Variants in ABI3BP observed in about 807,000 individuals in gnomAD.
ABI3BP encodes the protein target of Nesh-SH3.
ABI3BP carries 216 observed loss-of-function variants against 268.6 expected under a neutral mutation model. That is an observed-to-expected ratio of 0.80 (90% CI 0.72 to 0.90). The LOEUF is 0.90. Ranked by LOEUF, ABI3BP falls within the 40% of genes least tolerant of loss-of-function variation. The pLI, the probability that ABI3BP is intolerant of heterozygous loss-of-function variation, is 0.00. For synonymous variants in ABI3BP, 730 were observed against 730.0 expected, an observed-to-expected ratio of 1.00 and a Z score of 0.00; for missense variants, 2,090 against 2,182.4, an observed-to-expected ratio of 0.96 and a Z score of 0.84.
intron 63 of ABI3BP, among the ~76,000 whole-genome samples, chr3:100,762,635 C>T (rs537980713): frequency 1.3e-5 from 2 of 152,254 alleles, no homozygotes; most frequent in South Asian, 4.2e-4. Flanking sequence ...CCTCATTTTA[C>T]TTTTCCATAA....
At chr3:100,877,551 C>A (rs536670812) in intron 6 of ABI3BP, among the ~76,000 whole-genome samples, 3 of 152,280 alleles carry the variant, frequency 2.0e-5, no homozygotes, top group African/African-American at 7.2e-5. Context: ...CATAAAGTAG[C>A]CTGACCTAGG....
chr3:100,836,924 C>T (rs988290048), intron 27 of ABI3BP, among the ~76,000 whole-genome samples, 200 bp downstream of exon 27: 3 of 152,116 alleles, frequency 2.0e-5, no homozygotes, highest in African/African-American at 7.2e-5. Flanking sequence ...GAAAGAATAA[C>T]AATTATGTGT....
At position 100,993,312 on chromosome 3, in the gene ABI3BP, G is replaced by A; in HGVS notation, c.73C>T (p.Pro25Ser). 6.5e-7 allele frequency: 1 copy of A among 1,549,110 alleles called. No individual in the cohort carries two copies. Among genetic ancestry groups the A allele is most frequent in the Non-Finnish European group, 8.7e-7 (1 of 1,145,260 alleles). Reference sequence around the variant, plus strand: ...AAAACATCAGGCTACTTGCCTTTTGGCAATTTCTGTGCATTTCCCAGGGCT... The same window carrying A: ...AAAACATCAGGCTACTTGCCTTTTGACAATTTCTGTGCATTTCCCAGGGCT... Reference protein sequence around the residue: ...TLALGNAQKLPKGKRPNLKVH... With the variant: ...TLALGNAQKLSKGKRPNLKVH... Residue 25 changes from proline (P) to serine (S), a missense_variant, in exon 1 of 68, where the codon CCA becomes TCA. Physicochemically the swap from Pro to Ser is moderately conservative, Grantham distance 74. Transcript: ENST00000471714.
chr3:100,950,310 A>T (rs72930271), intron 1 of ABI3BP, among the ~76,000 whole-genome samples: 356 of 152,350 alleles, frequency 2.3e-3, no homozygotes, highest in African/African-American at 8.2e-3. Flanking sequence ...TATGCTTGAT[A>T]GGAATTAATA....
At chr3:100,985,141 C>CTTTTTTTTT (rs1172049956) in intron 1 of ABI3BP, among the ~76,000 whole-genome samples, 3 of 79,854 alleles carry the variant, frequency 3.8e-5, no homozygotes, top group African/African-American at 1.5e-4. Context: ...CAGAAAAGCA[C>CTTTTTTTTT]TTTTTTTTTT....
At chr3:100,914,535 C>CA in intron 2 of ABI3BP, 1 of 430,176 alleles carries the variant, frequency 2.3e-6, no homozygotes, top group South Asian at 1.7e-5. Context: ...AGGGAGCTCA[C>CA]AGCTCATGTT....
Position 100,808,081 on chromosome 3 carries a change from A to G in ABI3BP, c.3682+80T>C, listed in dbSNP as rs898830387. ...AGTGTTAAAGACTCAATCTGCTATC[A>G]TAACTATTAATGAACAATTTGCTAG... is the stretch of plus-strand genomic sequence containing the variant. On this transcript the variant is annotated intron_variant, in intron 50 of 67. Coordinates refer to ENST00000471714, the MANE Select transcript of ABI3BP (RefSeq NM_001375547.2). 3.2e-6 allele frequency: 4 copies of G among 1,239,574 alleles called. No homozygotes were observed. The African/African-American group carries it at 4.5e-5, about 14-fold the overall frequency. The allele number at this position is 1,239,574 out of a possible 1,614,324, so 76.8% of individuals were successfully genotyped here.
intron 51 of ABI3BP, 132 bp downstream of exon 51, chr3:100,804,660 A>G: frequency 2.5e-6 from 2 of 787,264 alleles, no homozygotes; most frequent in Non-Finnish European, 4.2e-6. Flanking sequence ...AAATTATCAT[A>G]CCACATATGA....
chr3:100,807,749 T>A (rs892220712), intron 50 of ABI3BP, among the ~76,000 whole-genome samples: 14 of 152,020 alleles, frequency 9.2e-5, no homozygotes, highest in Non-Finnish European at 2.1e-4. Flanking sequence ...GTATCCTGGG[T>A]GGGTGAACCT....
At chr3:100,922,053 C>G (rs1297166362) in intron 2 of ABI3BP, among the ~76,000 whole-genome samples, 1 of 152,256 alleles carries the variant, frequency 6.6e-6, no homozygotes, top group East Asian at 1.9e-4. Context: ...AAACATACCA[C>G]TACCTTATTA....
intron 1 of ABI3BP, among the ~76,000 whole-genome samples, chr3:100,963,853 C>T (rs1456679778): frequency 6.6e-6 from 1 of 152,170 alleles, no homozygotes; most frequent in Non-Finnish European, 1.5e-5. Context: ...TGAAAGTCCT[C>T]AGTTAGTTAA....
intron 4 of ABI3BP, among the ~76,000 whole-genome samples, chr3:100,896,848 A>G (rs745382918): frequency 6.6e-6 from 1 of 152,202 alleles, no homozygotes; most frequent in Non-Finnish European, 1.5e-5. Context: ...GCATTTCAAA[A>G]TTATTTTTCA....
At chr3:100,887,155 C>T (rs770267686) in intron 4 of ABI3BP, among the ~76,000 whole-genome samples, 11 of 151,970 alleles carry the variant, frequency 7.2e-5, no homozygotes, top group Middle Eastern at 3.4e-3. Flanking sequence ...TTACCAGTGG[C>T]GGTGGCAGAA....
chr3:100,754,789 T>A, intron 63 of ABI3BP, 98 bp from the exon 64 acceptor site: 1 of 959,256 alleles, frequency 1.0e-6, no homozygotes, highest in Non-Finnish European at 1.6e-6. Context: ...CTGACATCCC[T>A]TTGAAATTAT....
chr3:100,973,536 G>A (rs2084700990), intron 1 of ABI3BP, among the ~76,000 whole-genome samples: 1 of 151,914 alleles, frequency 6.6e-6, no homozygotes, highest in Non-Finnish European at 1.5e-5. Context: ...GGCTAAAACA[G>A]AGGAGTTTTG....
chr3:100,782,525 C>T (rs2150356668), intron 57 of ABI3BP, among the ~76,000 whole-genome samples: 2 of 152,088 alleles, frequency 1.3e-5, no homozygotes, highest in East Asian at 3.9e-4. Flanking sequence ...TGCCTGAAAG[C>T]ATTGGGAAGG....
At chr3:100,938,486 T>G (rs2067299530) in intron 1 of ABI3BP, among the ~76,000 whole-genome samples, 1 of 152,078 alleles carries the variant, frequency 6.6e-6, no homozygotes. Flanking sequence ...AATTTCCCTG[T>G]GACAATGAAG....
In ABI3BP at chr3:100,864,077, C is replaced by T; in HGVS notation, c.1064-1G>A. On this transcript the variant is annotated splice_acceptor_variant, in intron 11 of 67. Transcript: ENST00000471714. LOFTEE classifies it high-confidence loss of function. Reference sequence around the variant, plus strand: ...GTTTCCGGGGTCCTTTTGCTGAGAACTACAATAAAAAAGAGTGCAGTTAGC... The same window carrying T: ...GTTTCCGGGGTCCTTTTGCTGAGAATTACAATAAAAAAGAGTGCAGTTAGC... 1 of 1,534,846 alleles carries T rather than the reference C, an allele frequency of 6.5e-7. No homozygotes were observed. The highest frequency in any genetic ancestry group is 2.0e-5 in the Admixed American group (1 of 50,992).
In ABI3BP at chr3:100,829,641, G is replaced by A. The variant is rs939511476; in HGVS notation, c.2482C>T (p.His828Tyr). 3.1e-5 allele frequency: 47 copies of A among 1,535,654 alleles called. No homozygotes were observed. The highest frequency in any genetic ancestry group is 3.2e-5 in the Non-Finnish European group (37 of 1,146,436). The change falls in exon 33 of 68, where the codon CAT (histidine) becomes TAT (tyrosine). Residue 828 changes from histidine to tyrosine, a missense_variant. His to Tyr is a moderately conservative substitution (Grantham distance 83). Transcript: ENST00000471714. ...TAAPKVPQRTHRPHPKPKTTL... is the reference protein window; with the variant it reads ...TAAPKVPQRTYRPHPKPKTTL... ...GTTTTAGGTTTGGGATGTGGACGAT[G>A]AGTTCGTTGAGGCACTTTGGGAGCT...
Sources: allele counts gnomAD v4.1 joint callset (sites outside exome capture counted in the v4.1 genomes callset), GRCh38; gene constraint gnomAD v4.1.1; transcripts MANE v1.5; gene names NCBI Gene and HGNC (gene_info 2026-07-23, HGNC 2026-07-21).